Variants in PTP4A3 observed in about 807,000 individuals in gnomAD.
PTP4A3 encodes protein tyrosine phosphatase type IVA 3.
A neutral mutation model predicts 15.2 loss-of-function variants in PTP4A3; 9 were observed. The ratio of observed to expected loss-of-function variants is 0.59; its 90% CI spans 0.36 to 1.03. PTP4A3 has a LOEUF of 1.03. Among genes scored for constraint, PTP4A3 ranks in the 50% least tolerant of loss-of-function variants. The probability of loss-of-function intolerance (pLI) is 0.02; values close to 1 mark genes in which losing one functional copy is unlikely to be tolerated. For synonymous variants in PTP4A3, 95 were observed against 102.0 expected, an observed-to-expected ratio of 0.93 and a Z score of 0.41; for missense variants, 234 against 252.1, an observed-to-expected ratio of 0.93 and a Z score of 0.49.
Position 141,421,947 on chromosome 8 carries a change from G to A in PTP4A3, c.-294G>A, listed in dbSNP as rs139580964. On this transcript the variant is annotated 5_prime_UTR_variant, in exon 2 of 6. Coordinates refer to ENST00000521578, the MANE Select transcript of PTP4A3 (RefSeq NM_032611.3). The stretch of plus-strand genomic sequence containing the variant: ...GAGAGACGGGAGTTTGGAGTTGCCC[G>A]CTTTACTTTGGTTGGGTTGGGGGGG... The A allele has an allele frequency of 2.5e-3, 1,008 of 402,408 alleles. 1 individual carries two copies. The highest frequency in any genetic ancestry group is 3.3e-3 in the Non-Finnish European group (747 of 225,446). 24.9% of individuals were successfully genotyped at this position (402,408 alleles called of 1,614,324 possible).
At chr8:141,427,908 G>A (rs1400417796) in intron 5 of PTP4A3, 84 bp downstream of exon 5, 11 of 1,288,834 alleles carry the variant, frequency 8.5e-6, no homozygotes, top group South Asian at 1.3e-5. Flanking sequence ...GGCATTGGCT[G>A]TGTGGTTCCG....
intron 1 of PTP4A3, among the ~76,000 whole-genome samples, chr8:141,393,212 A>G (rs900824256): frequency 2.6e-5 from 4 of 152,198 alleles, no homozygotes; most frequent in Non-Finnish European, 5.9e-5. Flanking sequence ...ACTGAGGCCC[A>G]CAAAGGTGGA....
At chr8:141,400,188 C>T (rs1384637507) in intron 1 of PTP4A3, among the ~76,000 whole-genome samples, 5 of 152,146 alleles carry the variant, frequency 3.3e-5, no homozygotes, top group South Asian at 4.1e-4. Context: ...CCACTGCGCC[C>T]GGCCCACCAC....
At position 141,417,434 on chromosome 8, in the gene PTP4A3, G is replaced by A. The variant is rs560236751; in HGVS notation, c.-853-3954G>A. Reference sequence around the variant, plus strand: ...GCTGGGCAGGGGGTCTGAACTGGAGGGACTCGGGCGCCCTCCTCCTCAGGG... The same window carrying A: ...GCTGGGCAGGGGGTCTGAACTGGAGAGACTCGGGCGCCCTCCTCCTCAGGG... On this transcript the variant is annotated intron_variant, in intron 1 of 5. Transcript: ENST00000521578. Among the ~76,000 whole-genome samples, 269 of 152,242 alleles carry A rather than the reference G, an allele frequency of 1.8e-3. 1 individual carries two copies. The highest frequency in any genetic ancestry group is 6.3e-3 in the African/African-American group (262 of 41,552).
At chr8:141,421,095 T>G (rs916714769) in intron 1 of PTP4A3, among the ~76,000 whole-genome samples, 13 of 151,908 alleles carry the variant, frequency 8.6e-5, no homozygotes, top group African/African-American at 3.1e-4. Context: ...TCCTCGGGGG[T>G]GTGTGTGTCC....
chr8:141,423,651 G>T (rs1235923306), intron 2 of PTP4A3, among the ~76,000 whole-genome samples: 2 of 151,952 alleles, frequency 1.3e-5, no homozygotes, highest in East Asian at 3.9e-4. Flanking sequence ...ACCAGGATCA[G>T]GGCTTAGTGT....
At position 141,418,306 on chromosome 8, in the gene PTP4A3, C is replaced by T. The variant is rs1211484281; in HGVS notation, c.-853-3082C>T. 3.9e-5 allele frequency among the ~76,000 whole-genome samples: 6 copies of T among 152,350 alleles called. No homozygotes were observed. In the Middle Eastern group the frequency reaches 0.01, roughly 259 times the overall value. On this transcript the variant is annotated intron_variant, in intron 1 of 5. Transcript: ENST00000521578. ...GGGGGCGCCCTGTCTGAAGCGGGGG[C>T]TGGATTCAAACTTCTTAAGCTGCTG... is the stretch of plus-strand genomic sequence containing the variant.
At position 141,422,237 on chromosome 8, in the gene PTP4A3, CG is replaced by C. The variant is rs1030546962; in HGVS notation, c.-3del. 4 of 1,612,804 alleles carry C rather than the reference CG, an allele frequency of 2.5e-6. No individual in the cohort carries two copies. Among genetic ancestry groups the C allele is most frequent in the Middle Eastern group, 1.6e-4 (1 of 6,082 alleles). On this transcript the variant is annotated 5_prime_UTR_variant, in exon 2 of 6. Transcript: ENST00000521578. The stretch of plus-strand genomic sequence containing the variant: ...CTGCCCTGCCGGGCCCGTCGGGAGG[CG>C]CCATGGCTCGGATGAACCGCCCGGC...
At chr8:141,403,778 C>T (rs938093378) in intron 1 of PTP4A3, among the ~76,000 whole-genome samples, 2 of 152,254 alleles carry the variant, frequency 1.3e-5, no homozygotes, top group African/African-American at 4.8e-5. Context: ...TCACGGCAAC[C>T]ATGGTCGGGA....
intron 5 of PTP4A3, among the ~76,000 whole-genome samples, chr8:141,429,380 G>A (rs887937472): frequency 1.1e-4 from 16 of 152,232 alleles, no homozygotes; most frequent in Admixed American, 5.2e-4. Context: ...GGCAGCCCCC[G>A]CCCCTCAACG....
At position 141,427,029 on chromosome 8, in the gene PTP4A3, G is replaced by GGCAGCTGC; in HGVS notation, c.291_298dup (p.Val100AlafsTer28). The GGCAGCTGC allele has an allele frequency of 6.2e-7, 1 of 1,601,992 alleles. No homozygotes were observed. The highest frequency in any genetic ancestry group is 8.5e-7 in the Non-Finnish European group (1 of 1,179,808). On this transcript the variant is annotated frameshift_variant, in exon 4 of 6. Transcript: ENST00000521578. LOFTEE classifies it high-confidence loss of function. ...GAAGGCCAAGTTCTGTGAGGCCCCC[G>GGCAGCTGC]GCAGCTGCGTGGCTGTGCACTGCGT...
rs2129889040 is a variant in PTP4A3, at chr8:141,406,086, T to C, written c.-854+14002T>C. Among the ~76,000 whole-genome samples the C allele has an allele frequency of 6.6e-6, 1 of 152,160 alleles. No homozygotes were observed. Among genetic ancestry groups the C allele is most frequent in the Non-Finnish European group, 1.5e-5 (1 of 67,994 alleles). On this transcript the variant is annotated intron_variant, in intron 1 of 5. Transcript: ENST00000521578. This position sits in a 1 kb window ranked among gnomAD's most constrained non-coding sequence, Gnocchi z 4.5. ...TGGAGGCTTTGAGCGGAGGGGGCTA[T>C]GATCTGACTTAGGTCGAGGACACTG... is the stretch of plus-strand genomic sequence containing the variant.
At chr8:141,426,901 C>T in intron 3 of PTP4A3, 38 bp from the exon 4 acceptor site, 1 of 1,600,044 alleles carries the variant, frequency 6.2e-7, no homozygotes, top group Non-Finnish European at 8.5e-7. Flanking sequence ...CTCTACCCTC[C>T]CTCAGCCGGG....
In PTP4A3 at chr8:141,422,085, CG is replaced by C; in HGVS notation, c.-152del. 1 of 619,984 alleles carries C rather than the reference CG, an allele frequency of 1.6e-6. No homozygotes were observed. Among genetic ancestry groups the C allele is most frequent in the Non-Finnish European group, 2.8e-6 (1 of 358,010 alleles). 38.4% of individuals were successfully genotyped at this position (619,984 alleles called of 1,614,324 possible). On this transcript the variant is annotated 5_prime_UTR_variant, in exon 2 of 6. Coordinates refer to ENST00000521578, the MANE Select transcript of PTP4A3 (RefSeq NM_032611.3). ...CCCAAGTATTTGCACAATATTTGTGCGGGGTATGGGGGTGGGTTTTTAAATC... is the reference window on the plus strand; with the variant it reads ...CCCAAGTATTTGCACAATATTTGTGCGGGTATGGGGGTGGGTTTTTAAATC...
intron 2 of PTP4A3, 68 bp downstream of exon 2, chr8:141,422,413 C>T (rs890683359): frequency 2.4e-5 from 38 of 1,566,562 alleles, no homozygotes; most frequent in Non-Finnish European, 3.3e-5. Flanking sequence ...GAGCTGCCCT[C>T]AGGCCTCGCA....
chr8:141,417,079 G>A (rs1391178580), intron 1 of PTP4A3, among the ~76,000 whole-genome samples: 1 of 152,166 alleles, frequency 6.6e-6, no homozygotes, highest in African/African-American at 2.4e-5. Context: ...GGGAGCACAT[G>A]AGTTCCCGGC....
intron 1 of PTP4A3, among the ~76,000 whole-genome samples, chr8:141,415,875 G>A (rs944601712): frequency 1.3e-5 from 2 of 151,626 alleles, no homozygotes; most frequent in African/African-American, 2.4e-5. Flanking sequence ...CCGGGAAGGC[G>A]TCCTAGTGCA....
At chr8:141,426,489 G>A in intron 3 of PTP4A3, 1 of 985,456 alleles carries the variant, frequency 1.0e-6, no homozygotes, top group Non-Finnish European at 1.2e-6. Context: ...CCTGGGCTGT[G>A]TGTGGCATGT....
At chr8:141,427,473 G>C (rs994754570) in intron 4 of PTP4A3, among the ~76,000 whole-genome samples, 3 of 152,198 alleles carry the variant, frequency 2.0e-5, no homozygotes, top group African/African-American at 7.2e-5. Flanking sequence ...GGCGAGCAGA[G>C]TTGATAGCAG....
Sources: gnomAD v4.1 joint callset for allele counts (sites outside exome capture counted in the v4.1 genomes callset) on GRCh38, gnomAD v4.1.1 for gene constraint, Gnocchi (gnomAD v3.1) non-coding constraint, MANE v1.5 for transcripts, NCBI Gene and HGNC (gene_info 2026-07-23, HGNC 2026-07-21) for gene names.